The following LRIG2 variants were observed in gnomAD, a reference collection of about 807,000 sequenced individuals.
LRIG2 encodes leucine rich repeats and immunoglobulin like domains 2, also known as leucine-rich repeats and immunoglobulin-like domains protein 2.
LRIG2 carries 93 observed loss-of-function variants against 107.8 expected under a neutral mutation model. The ratio of observed to expected loss-of-function variants is 0.86; its 90% CI spans 0.73 to 1.03. LRIG2 has a LOEUF of 1.03. Ranked by LOEUF, LRIG2 falls within the 50% of genes least tolerant of loss-of-function variation. The pLI is 0.00. For missense variants in LRIG2, 1,226 were observed against 1,296.0 expected (o/e 0.95, Z 0.83); for synonymous variants, 471 against 470.6 (o/e 1.00, Z -0.01).
chr1:113,123,174 T>C (rs1350716972), intron 17 of LRIG2, among the ~76,000 whole-genome samples: 1 of 152,242 alleles, frequency 6.6e-6, no homozygotes, highest in Non-Finnish European at 1.5e-5. Flanking sequence ...TTTAAAGATA[T>C]AATGGCTGCA....
intron 1 of LRIG2, among the ~76,000 whole-genome samples, chr1:113,088,796 AC>A (rs1309222968): frequency 6.6e-6 from 1 of 152,180 alleles, no homozygotes; most frequent in Non-Finnish European, 1.5e-5. Context: ...ACAACAAAAA[AC>A]ATCTTTTCAC....
Position 113,073,634 on chromosome 1 carries a change from C to T in LRIG2, c.228C>T (p.Asp76=), listed in dbSNP as rs1407873021. 3 of 1,612,466 alleles carry T rather than the reference C, an allele frequency of 1.9e-6. No homozygotes were observed. The highest frequency in any genetic ancestry group is 1.7e-4 in the Middle Eastern group (1 of 6,058). The change falls in exon 1 of 18, where the codon GAC becomes GAT. Residue 76 remains aspartate (D), a synonymous_variant. Transcript: ENST00000361127. ...WRALSGLLPP[D]TAILDFSHNR... ...CGCTGTCGGGCTTGCTGCCCCCCGA[C>T]ACCGCTATCCTGTGAGTAGAGCGGC...
At chr1:113,107,940 C>T in intron 12 of LRIG2, 183 bp downstream of exon 12, 1 of 564,990 alleles carries the variant, frequency 1.8e-6, no homozygotes, top group South Asian at 2.5e-5. Flanking sequence ...GGACTGTTAA[C>T]CTTAGGTTAG....
chr1:113,096,421 A>G (rs1189011020), intron 8 of LRIG2, 56 bp downstream of exon 8: 32 of 1,547,220 alleles, frequency 2.1e-5, no homozygotes, highest in Non-Finnish European at 2.8e-5. Flanking sequence ...TAGTACAATA[A>G]AGCAAATTAA....
chr1:113,122,446 T>A (rs1421998408), intron 17 of LRIG2, among the ~76,000 whole-genome samples: 2 of 152,172 alleles, frequency 1.3e-5, no homozygotes, highest in Non-Finnish European at 2.9e-5. Flanking sequence ...GAAAGCACTA[T>A]TACTGAAGTT....
chr1:113,073,473 C>T lies in LRIG2; in HGVS notation c.67C>T (p.Arg23Trp), dbSNP rs766439497. ...GGGGTGTCGATCTAGAGTGCTTTCT[C>T]GGTTACTCTTCATTGCCCAGACCGC... is the stretch of plus-strand genomic sequence containing the variant. ...LLGCRSRVLS[R>W]LLFIAQTALL... The change falls in exon 1 of 18, where the codon CGG becomes TGG. Residue 23 changes from arginine to tryptophan, a missense_variant. Physicochemically the swap from Arg to Trp is moderately radical, Grantham distance 101 (BLOSUM62 -3). Around this residue, in one of 3 missense-constraint regions of LRIG2, gnomAD observed 570 missense variants for 550.2 expected, o/e 1.04. Coordinates refer to ENST00000361127, the MANE Select transcript of LRIG2 (RefSeq NM_014813.3). 8.1e-6 allele frequency: 13 copies of T among 1,614,074 alleles called. No individual in the cohort carries two copies. In the East Asian group the frequency reaches 1.6e-4, roughly 19 times the overall value.
At chr1:113,079,173 ACTGT>A (rs763918753) in intron 1 of LRIG2, among the ~76,000 whole-genome samples, 1 of 151,488 alleles carries the variant, frequency 6.6e-6, no homozygotes, top group East Asian at 1.9e-4. Context: ...GGCAAAACCC[ACTGT>A]CTGTCAAAAA....
At chr1:113,119,129 A>T in intron 16 of LRIG2, 104 bp from the exon 17 acceptor site, 2 of 1,037,574 alleles carry the variant, frequency 1.9e-6, no homozygotes, top group Non-Finnish European at 1.4e-6. Context: ...GTAAGTGCTC[A>T]ATACATGCTA....
chr1:113,095,731 T>C (rs1259170350), intron 6 of LRIG2, 143 bp from the exon 7 acceptor site: 7 of 726,548 alleles, frequency 9.6e-6, no homozygotes, highest in Middle Eastern at 3.5e-4. Context: ...AAATAAGATA[T>C]TCATTTTTAT....
At chr1:113,119,746 C>G (rs1299409724) in intron 17 of LRIG2, among the ~76,000 whole-genome samples, 2 of 152,116 alleles carry the variant, frequency 1.3e-5, no homozygotes, top group Admixed American at 1.3e-4. Context: ...GTGGGGGTAA[C>G]AGGATCACAC....
Position 113,124,165 on chromosome 1 carries a change from A to T in LRIG2, c.*64A>T. On this transcript the variant is annotated 3_prime_UTR_variant, in exon 18 of 18. Coordinates refer to ENST00000361127, the MANE Select transcript of LRIG2 (RefSeq NM_014813.3). Reference sequence around the variant, plus strand: ...ATTAATTTTGCATTTACTACCTCAGAGCTCAGAAGAAACTCCGAAGTCAGC... The same window carrying T: ...ATTAATTTTGCATTTACTACCTCAGTGCTCAGAAGAAACTCCGAAGTCAGC... The T allele has an allele frequency of 7.2e-7, 1 of 1,395,828 alleles. No homozygotes were observed. The highest frequency in any genetic ancestry group is 2.3e-5 in the East Asian group (1 of 43,566). 86.5% of individuals were successfully genotyped at this position (1,395,828 alleles called of 1,614,324 possible).
At chr1:113,086,486 A>G (rs1653560676) in intron 1 of LRIG2, among the ~76,000 whole-genome samples, 1 of 152,172 alleles carries the variant, frequency 6.6e-6, no homozygotes, top group Admixed American at 6.5e-5. Context: ...AAGTTGCTGA[A>G]GTTCCCGGTT....
At chr1:113,085,285 G>T (rs200170992) in intron 1 of LRIG2, among the ~76,000 whole-genome samples, 1 of 63,060 alleles carries the variant, frequency 1.6e-5, no homozygotes, top group African/African-American at 4.7e-5. Flanking sequence ...TTGTTTTTTT[G>T]TTTGTTTGTT....
At chr1:113,119,628 GGTATATAGGA>G (rs1655165143) in intron 17 of LRIG2, 105 bp downstream of exon 17, 1 of 961,102 alleles carries the variant, frequency 1.0e-6, no homozygotes, top group East Asian at 2.6e-5. Flanking sequence ...CAAGCAGATG[GGTATATAGGA>G]GTAACTGGCC....
Position 113,073,414 on chromosome 1 carries a change from C to T in LRIG2, c.8C>T (p.Pro3Leu), listed in dbSNP as rs1026109165. The T allele has an allele frequency of 6.2e-7, 1 of 1,613,486 alleles. No homozygotes were observed. The highest frequency in any genetic ancestry group is 8.5e-7 in the Non-Finnish European group (1 of 1,179,614). ...TCCAGGTCGAGGGGGAAAATGGCGC[C>T]GGCGCCCCTAGGCGTCCCGGAGGAG... MA[P>L]APLGVPEEQL... Residue 3 changes from proline to leucine, a missense_variant, in exon 1 of 18, where the codon CCG (proline) becomes CTG (leucine). This residue lies in a region of LRIG2 where 570 missense variants were observed against 550.2 expected (regional missense o/e 1.04). Coordinates refer to ENST00000361127, the MANE Select transcript of LRIG2 (RefSeq NM_014813.3).
chr1:113,115,686 C>T (rs1654977546), intron 15 of LRIG2, among the ~76,000 whole-genome samples: 1 of 151,874 alleles, frequency 6.6e-6, no homozygotes, highest in Admixed American at 6.6e-5. Flanking sequence ...TGCCACCATG[C>T]CCAGCTAATT....
chr1:113,102,104 A>G (rs1291829262), intron 11 of LRIG2, among the ~76,000 whole-genome samples: 2 of 152,194 alleles, frequency 1.3e-5, no homozygotes, highest in Non-Finnish European at 2.9e-5. Context: ...TGAAATGGCA[A>G]ACCATGTGAA....
At chr1:113,120,261 C>T (rs1199273231) in intron 17 of LRIG2, among the ~76,000 whole-genome samples, 1 of 151,608 alleles carries the variant, frequency 6.6e-6, no homozygotes, top group Non-Finnish European at 1.5e-5. Flanking sequence ...ACCAGCCTGG[C>T]CAACATAGGG....
intron 16 of LRIG2, among the ~76,000 whole-genome samples, chr1:113,117,052 AAAGAGTT>A (rs1279457376): frequency 2.6e-5 from 4 of 152,206 alleles, no homozygotes; most frequent in Non-Finnish European, 4.4e-5. Context: ...AGAGAGATGT[AAAGAGTT>A]CCCTAATTAA....
Sources: gnomAD v4.1 joint callset for allele counts (sites outside exome capture counted in the v4.1 genomes callset) on GRCh38, gnomAD v4.1.1 for gene constraint, gnomAD v4.1.1 regional missense constraint, MANE v1.5 for transcripts, NCBI Gene and HGNC (gene_info 2026-07-23, HGNC 2026-07-21) for gene names.